Variants in GLDC observed in about 807,000 individuals in gnomAD.
GLDC encodes the protein glycine decarboxylase, also known as glycine dehydrogenase (decarboxylating), mitochondrial.
A neutral mutation model predicts 121.3 loss-of-function variants in GLDC; 104 were observed. The observed-to-expected ratio is 0.86, with a 90% CI of 0.73 to 1.01. The LOEUF (loss-of-function observed/expected upper bound fraction) is 1.01. Ranked by LOEUF, GLDC falls within the 50% of genes least tolerant of loss-of-function variation. The probability of loss-of-function intolerance (pLI) is 0.00; values close to 1 mark genes in which losing one functional copy is unlikely to be tolerated. For missense variants in GLDC, 1,429 were observed against 1,306.6 expected (o/e 1.09, Z -1.44); for synonymous variants, 546 against 480.6 (o/e 1.14, Z -1.78).
At chr9:6,559,349 T>C (rs537878791) in intron 16 of GLDC, among the ~76,000 whole-genome samples, 138 of 151,804 alleles carry the variant, frequency 9.1e-4, no homozygotes, top group African/African-American at 3.3e-3. Flanking sequence ...ACCCCGTCTC[T>C]AGTAAAAATA....
intron 16 of GLDC, among the ~76,000 whole-genome samples, chr9:6,561,862 T>C (rs536647320): frequency 5.9e-5 from 9 of 152,292 alleles, no homozygotes; most frequent in African/African-American, 1.7e-4. Context: ...GGAGATCTCC[T>C]GTGCAAGGGA....
intron 7 of GLDC, among the ~76,000 whole-genome samples, chr9:6,603,728 TTTTTTTTC>T (rs1397053771): frequency 0.042 from 3,192 of 76,504 alleles, 109 homozygotes; most frequent in African/African-American, 0.19. Flanking sequence ...TTTTTTTTCC[TTTTTTTTC>T]TTTTTTTTTT....
At chr9:6,610,933 G>A (rs1400005685) in intron 3 of GLDC, among the ~76,000 whole-genome samples, 1 of 152,200 alleles carries the variant, frequency 6.6e-6, no homozygotes, top group East Asian at 1.9e-4. Flanking sequence ...AATTTCATTT[G>A]CTATTATCTT....
At chr9:6,613,787 T>C (rs141312057) in intron 3 of GLDC, among the ~76,000 whole-genome samples, 1 of 151,524 alleles carries the variant, frequency 6.6e-6, no homozygotes, top group African/African-American at 2.4e-5. Context: ...GGGGTTTTTA[T>C]TTTTTTTTAG....
At chr9:6,644,593 G>A (rs1379046156) in intron 2 of GLDC, 21 bp downstream of exon 2, 5 of 1,544,080 alleles carry the variant, frequency 3.2e-6, no homozygotes, top group African/African-American at 2.7e-5. Flanking sequence ...TAAGTCCAAG[G>A]GAGCCCTCCC....
chr9:6,603,700 A>G (rs1367344073), intron 7 of GLDC, among the ~76,000 whole-genome samples: 1 of 151,110 alleles, frequency 6.6e-6, no homozygotes, highest in Non-Finnish European at 1.5e-5. Context: ...CCTGGAATGC[A>G]TCTAGGTCCC....
chr9:6,587,852 C>A (rs929712515), intron 14 of GLDC, among the ~76,000 whole-genome samples: 7 of 151,874 alleles, frequency 4.6e-5, no homozygotes, highest in Non-Finnish European at 7.4e-5. Flanking sequence ...AAAATGATTT[C>A]TTTCGTCTGA....
At chr9:6,552,673 G>C (rs1051749310) in intron 20 of GLDC, among the ~76,000 whole-genome samples, 7 of 152,238 alleles carry the variant, frequency 4.6e-5, no homozygotes, top group Admixed American at 6.5e-5. Flanking sequence ...ACTGCTTTGG[G>C]GAGACTGCTC....
In GLDC at chr9:6,645,613, T is replaced by C; in HGVS notation, c.-114A>G. Reference sequence around the variant, plus strand: ...GCGCCCGGCCTGGAGCCCCTTTCGCTGGACAGTCGGCCGGACAGATGGATG... The same window carrying C: ...GCGCCCGGCCTGGAGCCCCTTTCGCCGGACAGTCGGCCGGACAGATGGATG... On this transcript the variant is annotated 5_prime_UTR_variant, in exon 1 of 25. Coordinates refer to ENST00000321612, the MANE Select transcript of GLDC (RefSeq NM_000170.3). 1 of 737,752 alleles carries C rather than the reference T, an allele frequency of 1.4e-6. No individual in the cohort carries two copies. Among genetic ancestry groups the C allele is most frequent in the Non-Finnish European group, 1.8e-6 (1 of 543,640 alleles). The allele number at this position is 737,752 out of a possible 1,614,324, so 45.7% of individuals were successfully genotyped here.
intron 16 of GLDC, among the ~76,000 whole-genome samples, chr9:6,560,079 C>G (rs966793086): frequency 6.6e-6 from 1 of 152,172 alleles, no homozygotes; most frequent in African/African-American, 2.4e-5. Context: ...CTCAAATCAT[C>G]CTTCATTTCC....
At chr9:6,640,496 A>T (rs185898292) in intron 2 of GLDC, among the ~76,000 whole-genome samples, 24 of 152,306 alleles carry the variant, frequency 1.6e-4, no homozygotes, top group Admixed American at 5.9e-4. Flanking sequence ...TGCATTACAC[A>T]ATGCTCCCTC....
rs897347476 is a variant in GLDC, at chr9:6,532,468, TC to T, written c.*548del. On this transcript the variant is annotated 3_prime_UTR_variant, in exon 25 of 25. Transcript: ENST00000321612. ...AAGTACACCAAGAGAAAGGCATTCT[TC>T]CGATCAAGATGCTTTTATTAGAATA... 1 of 156,584 alleles carries T rather than the reference TC, an allele frequency of 6.4e-6. No homozygotes were observed. Among genetic ancestry groups the T allele is most frequent in the East Asian group, 1.9e-4 (1 of 5,314 alleles). 9.7% of individuals were successfully genotyped at this position (156,584 alleles called of 1,614,324 possible).
chr9:6,592,014 G>A (rs1261427745), intron 11 of GLDC, 129 bp downstream of exon 11: 2 of 715,932 alleles, frequency 2.8e-6, no homozygotes, highest in East Asian at 2.6e-5. Context: ...GATAGTCAGT[G>A]GAATAATTTT....
chr9:6,620,383 T>A, intron 2 of GLDC, 64 bp from the exon 3 acceptor site: 1 of 1,347,914 alleles, frequency 7.4e-7, no homozygotes, highest in Non-Finnish European at 1.1e-6. Flanking sequence ...TAATTACAGT[T>A]TAAATCCCTC....
At chr9:6,639,275 C>A in intron 2 of GLDC, 1 of 903,334 alleles carries the variant, frequency 1.1e-6, no homozygotes, top group Non-Finnish European at 1.8e-6. Context: ...ACATCACCCA[C>A]CTTCCGGCGG....
At chr9:6,584,839 C>T (rs1229781214) in intron 15 of GLDC, among the ~76,000 whole-genome samples, 1 of 152,194 alleles carries the variant, frequency 6.6e-6, no homozygotes, top group Non-Finnish European at 1.5e-5. Flanking sequence ...CCAGGAACGA[C>T]ATCATGATGA....
intron 2 of GLDC, among the ~76,000 whole-genome samples, chr9:6,625,912 G>T (rs1819227842): frequency 6.6e-6 from 1 of 151,854 alleles, no homozygotes; most frequent in Admixed American, 6.6e-5. Flanking sequence ...CAAGGACTCA[G>T]ATTCAGGAAA....
intron 21 of GLDC, among the ~76,000 whole-genome samples, chr9:6,542,704 A>G (rs1304732647): frequency 2.0e-5 from 3 of 151,818 alleles, no homozygotes; most frequent in Non-Finnish European, 4.4e-5. Context: ...TGGGCAGCAT[A>G]GTGAGAGCTT....
intron 17 of GLDC, chr9:6,558,261 G>C: frequency 1.7e-6 from 1 of 591,748 alleles, no homozygotes; most frequent in South Asian, 2.1e-5. Context: ...TGATTATTAA[G>C]TGGGGAAGGC....
Sources: allele counts gnomAD v4.1 joint callset (sites outside exome capture counted in the v4.1 genomes callset), GRCh38; gene constraint gnomAD v4.1.1; transcripts MANE v1.5; gene names NCBI Gene and HGNC (gene_info 2026-07-23, HGNC 2026-07-21).